Variants in DMRT1 observed in about 807,000 individuals in gnomAD.
DMRT1 encodes doublesex and mab-3 related transcription factor 1.
In DMRT1, 7 loss-of-function variants were observed where a neutral mutation model predicts 32.3. The observed-to-expected ratio is 0.22, with a 90% confidence interval of 0.12 to 0.41. DMRT1 has a LOEUF of 0.41. DMRT1 is among the 10% of genes least tolerant of loss of function. The pLI, the probability that DMRT1 is intolerant of heterozygous loss-of-function variation, is 1.00. For synonymous variants in DMRT1, 278 were observed against 206.1 expected (o/e 1.35, Z -2.99); for missense variants, 625 against 500.5 (o/e 1.25, Z -2.37).
At chr9:897,069 A>G (rs1468239290) in intron 3 of DMRT1, among the ~76,000 whole-genome samples, 1 of 148,488 alleles carries the variant, frequency 6.7e-6, no homozygotes, top group Non-Finnish European at 1.5e-5. Context: ...TAAGTTCTTC[A>G]TACGTTTTAT....
intron 4 of DMRT1, among the ~76,000 whole-genome samples, chr9:957,066 G>C (rs984773181): frequency 6.6e-6 from 1 of 152,202 alleles, no homozygotes; most frequent in Non-Finnish European, 1.5e-5. Context: ...ACTGAGCATA[G>C]TACCCAACAG....
intron 4 of DMRT1, among the ~76,000 whole-genome samples, chr9:934,883 C>G (rs1250930467): frequency 6.6e-6 from 1 of 152,126 alleles, no homozygotes; most frequent in Non-Finnish European, 1.5e-5. Flanking sequence ...ATCCTAAGCA[C>G]AAGCCTATAA....
chr9:911,649 C>A (rs1817992533), intron 3 of DMRT1, among the ~76,000 whole-genome samples: 1 of 151,884 alleles, frequency 6.6e-6, no homozygotes, highest in Non-Finnish European at 1.5e-5. Context: ...CCTGCCACCA[C>A]ACCCAGCTAA....
intron 2 of DMRT1, among the ~76,000 whole-genome samples, chr9:856,545 C>A (rs114368125): frequency 6.6e-6 from 1 of 152,254 alleles, no homozygotes; most frequent in Non-Finnish European, 1.5e-5. Flanking sequence ...TAAGTTTATC[C>A]ATGTTGTAGC....
At chr9:952,680 G>T (rs1281611699) in intron 4 of DMRT1, among the ~76,000 whole-genome samples, 2 of 152,232 alleles carry the variant, frequency 1.3e-5, no homozygotes, top group Admixed American at 6.5e-5. Flanking sequence ...AGTGAGTGCT[G>T]GACTTCCACT....
At chr9:893,768 G>C in intron 2 of DMRT1, 144 bp from the exon 3 acceptor site, 2 of 734,518 alleles carry the variant, frequency 2.7e-6, no homozygotes, top group South Asian at 3.3e-5. Context: ...CCTTATTTTG[G>C]CTATAGGAGA....
Position 956,696 on chromosome 9 carries a change from A to G in DMRT1, c.968-11289A>G, listed in dbSNP as rs1265033438. Among the ~76,000 whole-genome samples, 33 of 152,268 alleles carry G rather than the reference A, an allele frequency of 2.2e-4. 1 individual carries two copies. On this transcript the variant is annotated intron_variant, in intron 4 of 4. Coordinates refer to ENST00000382276, the MANE Select transcript of DMRT1 (RefSeq NM_021951.3). ...AAAAAATTAAGCAAATGCTGGAAGAAGCCAATTTGTTGACCAGGGGAAGAA... is the reference window on the plus strand; with the variant it reads ...AAAAAATTAAGCAAATGCTGGAAGAGGCCAATTTGTTGACCAGGGGAAGAA...
At chr9:934,202 C>T (rs1330579579) in intron 4 of DMRT1, among the ~76,000 whole-genome samples, 1 of 152,164 alleles carries the variant, frequency 6.6e-6, no homozygotes, top group Non-Finnish European at 1.5e-5. Context: ...TAGCATTCAT[C>T]CCTTATCAGA....
chr9:944,346 A>G (rs1819173731), intron 4 of DMRT1, among the ~76,000 whole-genome samples: 2 of 152,232 alleles, frequency 1.3e-5, no homozygotes, highest in Admixed American at 6.5e-5. Context: ...TCCAGGAAAC[A>G]GTATGCTTAG....
At chr9:907,796 C>T (rs575209118) in intron 3 of DMRT1, among the ~76,000 whole-genome samples, 49 of 151,400 alleles carry the variant, frequency 3.2e-4, no homozygotes, top group African/African-American at 9.2e-4. Flanking sequence ...CTATTGCATT[C>T]TGTTCAATTC....
intron 2 of DMRT1, among the ~76,000 whole-genome samples, chr9:868,852 A>G (rs1471513188): frequency 7.9e-5 from 12 of 152,110 alleles, no homozygotes; most frequent in Admixed American, 7.2e-4. Flanking sequence ...CCTACAAAAA[A>G]TAAAAAAATT....
chr9:870,810 C>G lies in DMRT1; in HGVS notation c.539-23102C>G, dbSNP rs564940368. On this transcript the variant is annotated intron_variant, in intron 2 of 4. Coordinates refer to ENST00000382276, the MANE Select transcript of DMRT1 (RefSeq NM_021951.3). ...CACTGCACCCTCTAGTCCTGGGGCT[C>G]AGGTGATTCTCCAACCTCAGCCTCC... is the stretch of plus-strand genomic sequence containing the variant. 6.6e-4 allele frequency among the ~76,000 whole-genome samples: 97 copies of G among 146,964 alleles called. 1 individual carries two copies. The highest frequency in any genetic ancestry group is 5.8e-3 in the South Asian group (27 of 4,632).
At chr9:893,167 G>A (rs1817219095) in intron 2 of DMRT1, among the ~76,000 whole-genome samples, 1 of 152,176 alleles carries the variant, frequency 6.6e-6, no homozygotes, top group East Asian at 1.9e-4. Context: ...CACCCGGACT[G>A]GCTCTTAGAA....
intron 4 of DMRT1, among the ~76,000 whole-genome samples, 166 bp downstream of exon 4, chr9:917,073 C>T (rs936713119): frequency 6.6e-6 from 1 of 152,164 alleles, no homozygotes; most frequent in Non-Finnish European, 1.5e-5. Context: ...TATAAAATGA[C>T]TTTGCTATGC....
chr9:845,220 A>T (rs78065921), intron 1 of DMRT1, among the ~76,000 whole-genome samples: 2,957 of 151,088 alleles, frequency 0.02, 80 homozygotes, highest in African/African-American at 0.066. Flanking sequence ...TTATTTATTT[A>T]TTTTTTTGAG....
chr9:861,698 C>T (rs1210729332), intron 2 of DMRT1, among the ~76,000 whole-genome samples: 4 of 150,632 alleles, frequency 2.7e-5, no homozygotes. Context: ...GGGCCCCCCA[C>T]CTCCCAGACG....
chr9:956,516 A>T (rs1819605132), intron 4 of DMRT1, among the ~76,000 whole-genome samples: 2 of 151,238 alleles, frequency 1.3e-5, no homozygotes, highest in Admixed American at 1.3e-4. Flanking sequence ...GTGAGTTATG[A>T]TTGAGCCATT....
intron 3 of DMRT1, among the ~76,000 whole-genome samples, chr9:903,556 A>G (rs544329967): frequency 6.6e-4 from 100 of 152,232 alleles, no homozygotes; most frequent in Non-Finnish European, 1.3e-3. Context: ...TGCGATGACA[A>G]TTTTCCCAGT....
chr9:920,157 T>C (rs1818308891), intron 4 of DMRT1, among the ~76,000 whole-genome samples: 1 of 152,134 alleles, frequency 6.6e-6, no homozygotes. Flanking sequence ...AGGGGAAATA[T>C]CTCTACTGGA....
Sources: allele counts gnomAD v4.1 joint callset (sites outside exome capture counted in the v4.1 genomes callset), GRCh38; gene constraint gnomAD v4.1.1; transcripts MANE v1.5; gene names NCBI Gene and HGNC (gene_info 2026-07-23, HGNC 2026-07-21).